CHSY3: variants seen among roughly 807,000 people sequenced by gnomAD.
The protein encoded by CHSY3 is chondroitin sulfate synthase 3.
CHSY3 carries 35 observed loss-of-function variants against 67.2 expected under a neutral mutation model. The observed-to-expected ratio is 0.52, with a 90% confidence interval of 0.40 to 0.69. The LOEUF (loss-of-function observed/expected upper bound fraction) is 0.69. Ranked by LOEUF, CHSY3 falls within the 30% of genes least tolerant of loss-of-function variation. The pLI, the probability that CHSY3 is intolerant of heterozygous loss-of-function variation, is 0.00. For synonymous variants in CHSY3, 474 were observed against 434.7 expected, an observed-to-expected ratio of 1.09 and a Z score of -1.12; for missense variants, 1,069 against 1,138.5, an observed-to-expected ratio of 0.94 and a Z score of 0.88.
At chr5:130,075,351 C>T (rs1031715916) in intron 2 of CHSY3, among the ~76,000 whole-genome samples, 4 of 152,186 alleles carry the variant, frequency 2.6e-5, no homozygotes, top group African/African-American at 9.6e-5. Flanking sequence ...ATATAAAATT[C>T]AAAGAGATGG....
chr5:129,990,107 T>C (rs1238963871), intron 2 of CHSY3, among the ~76,000 whole-genome samples: 1 of 152,102 alleles, frequency 6.6e-6, no homozygotes, highest in Non-Finnish European at 1.5e-5. Context: ...TAACATATCA[T>C]GGATATACAG....
At chr5:130,041,286 T>G (rs1243039628) in intron 2 of CHSY3, among the ~76,000 whole-genome samples, 2 of 152,094 alleles carry the variant, frequency 1.3e-5, no homozygotes, top group East Asian at 3.9e-4. Flanking sequence ...GCAATCAGGC[T>G]GAAGCTAGAC....
intron 2 of CHSY3, among the ~76,000 whole-genome samples, chr5:130,165,479 A>G (rs1769717451): frequency 1.3e-5 from 2 of 152,118 alleles, no homozygotes; most frequent in South Asian, 4.1e-4. Context: ...GAAGCTTTTA[A>G]TGTTAATGTA....
In CHSY3 at chr5:130,074,570, C is replaced by T. The variant is rs191653453; in HGVS notation, c.1087-109659C>T. Among the ~76,000 whole-genome samples, 87 of 152,266 alleles carry T rather than the reference C, an allele frequency of 5.7e-4. 1 individual carries two copies. The East Asian group carries it at 0.013, about 23-fold the overall frequency. On this transcript the variant is annotated intron_variant, in intron 2 of 2. Coordinates refer to ENST00000305031, the MANE Select transcript of CHSY3 (RefSeq NM_175856.5). ...ATGTGGAATTTCTACATGACTTCCA[C>T]AATGTCTACTTATGAAAGATCCAAC...
rs570312401 is a variant in CHSY3, at chr5:130,162,722, T to C, written c.1087-21507T>C. Among the ~76,000 whole-genome samples the C allele has an allele frequency of 3.3e-5, 5 of 152,198 alleles. 1 individual carries two copies. The South Asian group carries it at 8.3e-4, about 25-fold the overall frequency. The stretch of plus-strand genomic sequence containing the variant: ...GCTCATATCTTTTTTTTAAAAATGT[T>C]ATTTCTCATTATGCTCTCTCCAACT... On this transcript the variant is annotated intron_variant, in intron 2 of 2. Transcript: ENST00000305031.
Position 129,978,560 on chromosome 5 carries a change from C to A in CHSY3, c.1086+70200C>A, listed in dbSNP as rs563995835. Among the ~76,000 whole-genome samples the A allele has an allele frequency of 1.6e-4, 24 of 152,190 alleles. 1 individual carries two copies. The South Asian group carries it at 5.0e-3, about 32-fold the overall frequency. Reference sequence around the variant, plus strand: ...TTCTATATTCCTTACTGTGTGGATACAAAGATGAATTACAAACAGTTCTTG... The same window carrying A: ...TTCTATATTCCTTACTGTGTGGATAAAAAGATGAATTACAAACAGTTCTTG... On this transcript the variant is annotated intron_variant, in intron 2 of 2. Coordinates refer to ENST00000305031, the MANE Select transcript of CHSY3 (RefSeq NM_175856.5).
At chr5:130,162,523 C>T (rs1452571946) in intron 2 of CHSY3, among the ~76,000 whole-genome samples, 1 of 151,968 alleles carries the variant, frequency 6.6e-6, no homozygotes. Context: ...CCCTAGATTC[C>T]TATATTTATT....
chr5:130,178,203 A>ATT (rs1178602488), intron 2 of CHSY3, among the ~76,000 whole-genome samples: 1,647 of 109,984 alleles, frequency 0.015, 31 homozygotes, highest in African/African-American at 0.033. Flanking sequence ...ATATATATTT[A>ATT]TATATATATG....
intron 2 of CHSY3, among the ~76,000 whole-genome samples, chr5:130,115,954 C>T (rs984734504): frequency 6.6e-6 from 1 of 152,150 alleles, no homozygotes; most frequent in Admixed American, 6.5e-5. Context: ...TCAAAGACTC[C>T]TCTCCTTGTC....
intron 2 of CHSY3, among the ~76,000 whole-genome samples, chr5:130,089,401 A>C (rs886607161): frequency 6.6e-6 from 1 of 151,970 alleles, no homozygotes; most frequent in Non-Finnish European, 1.5e-5. Context: ...AAAAATAAAA[A>C]AATTTAAAAA....
chr5:130,065,046 C>T (rs1483653678), intron 2 of CHSY3, among the ~76,000 whole-genome samples: 1 of 152,130 alleles, frequency 6.6e-6, no homozygotes, highest in Admixed American at 6.6e-5. Context: ...GTGAATAGAA[C>T]TTGGTTTCTG....
At chr5:130,032,133 A>G (rs1764720621) in intron 2 of CHSY3, among the ~76,000 whole-genome samples, 1 of 152,116 alleles carries the variant, frequency 6.6e-6, no homozygotes, top group Non-Finnish European at 1.5e-5. Context: ...ATGCATATGT[A>G]TGGGTTTGGA....
chr5:130,009,558 G>T (rs1266219909), intron 2 of CHSY3, among the ~76,000 whole-genome samples: 7 of 151,756 alleles, frequency 4.6e-5, no homozygotes, highest in Non-Finnish European at 7.4e-5. Flanking sequence ...TAATTACATG[G>T]GTTATTGATA....
chr5:129,979,753 C>T (rs1405155959), intron 2 of CHSY3, among the ~76,000 whole-genome samples: 2 of 152,140 alleles, frequency 1.3e-5, no homozygotes, highest in East Asian at 3.8e-4. Flanking sequence ...TTGAACTATT[C>T]ATCCTCTATC....
intron 2 of CHSY3, among the ~76,000 whole-genome samples, chr5:130,007,686 G>A (rs1405625436): frequency 2.0e-5 from 3 of 152,136 alleles, no homozygotes. Context: ...AGCCCAGAGA[G>A]TTTGGTGTGG....
intron 2 of CHSY3, among the ~76,000 whole-genome samples, chr5:130,125,818 G>C (rs1768263141): frequency 1.3e-5 from 2 of 152,110 alleles, no homozygotes; most frequent in African/African-American, 4.8e-5. Context: ...GATTTCCTTG[G>C]ATAACAAGCC....
rs1195728102 is a variant in CHSY3 at position 130,137,291 on chromosome 5, G to A, written c.1087-46938G>A. On this transcript the variant is annotated intron_variant, in intron 2 of 2. Coordinates refer to ENST00000305031, the MANE Select transcript of CHSY3 (RefSeq NM_175856.5). ...TTCCTACAACTCTTTTCCTTTATCA[G>A]TCCTGTGGAACCACACAGAACATGT... Among the ~76,000 whole-genome samples, 4 of 152,082 alleles carry A rather than the reference G, an allele frequency of 2.6e-5. No homozygotes were observed. In the East Asian group the frequency reaches 7.7e-4, roughly 29 times the overall value.
chr5:129,986,658 A>ATTTC (rs1243304115), intron 2 of CHSY3, among the ~76,000 whole-genome samples: 1 of 151,996 alleles, frequency 6.6e-6, no homozygotes, highest in African/African-American at 2.4e-5. Flanking sequence ...TTATTTATTT[A>ATTTC]TTGAGACAGG....
chr5:129,950,322 A>C (rs755626648), intron 2 of CHSY3, among the ~76,000 whole-genome samples: 3 of 152,198 alleles, frequency 2.0e-5, no homozygotes, highest in African/African-American at 7.2e-5. Flanking sequence ...ACCATCATAC[A>C]TAATAGTGAA....
Sources: allele counts gnomAD v4.1 joint callset (sites outside exome capture counted in the v4.1 genomes callset), GRCh38; gene constraint gnomAD v4.1.1; transcripts MANE v1.5; gene names NCBI Gene and HGNC (gene_info 2026-07-23, HGNC 2026-07-21).